Variants in PLD5 observed in about 807,000 individuals in gnomAD.
The protein encoded by PLD5 is phospholipase D family member 5, also known as inactive phospholipase D5.
In PLD5, 36 loss-of-function variants were observed where a neutral mutation model predicts 61.1. That is an observed-to-expected ratio of 0.59 (90% confidence interval 0.45 to 0.78). The LOEUF is 0.78. PLD5 is among the 30% of genes least tolerant of loss of function. The pLI is 0.00. For missense variants in PLD5, 515 were observed against 644.4 expected, an observed-to-expected ratio of 0.80 and a Z score of 2.17; for synonymous variants, 243 against 242.8, an observed-to-expected ratio of 1.00 and a Z score of -0.01.
At chr1:242,147,001 T>G (rs1664589934) in intron 5 of PLD5, among the ~76,000 whole-genome samples, 1 of 152,138 alleles carries the variant, frequency 6.6e-6, no homozygotes, top group Non-Finnish European at 1.5e-5. Context: ...TTTAAGAAAA[T>G]TTTATTTTCC....
chr1:242,301,631 T>A (rs1000248232), intron 2 of PLD5, among the ~76,000 whole-genome samples: 7 of 152,198 alleles, frequency 4.6e-5, no homozygotes, highest in African/African-American at 1.7e-4. Context: ...AGCGTTTATC[T>A]GTCATTAGTT....
intron 1 of PLD5, among the ~76,000 whole-genome samples, chr1:242,421,765 A>T (rs1028263627): frequency 3.3e-5 from 5 of 152,230 alleles, no homozygotes; most frequent in African/African-American, 1.2e-4. Context: ...GATTATATGT[A>T]CTTCTGTTGT....
At chr1:242,338,390 C>T (rs1218871193) in intron 2 of PLD5, among the ~76,000 whole-genome samples, 2 of 151,992 alleles carry the variant, frequency 1.3e-5, no homozygotes, top group South Asian at 4.2e-4. Context: ...GAAAACACAG[C>T]TATACTTTCT....
chr1:242,358,989 G>T (rs1312819261), intron 1 of PLD5, among the ~76,000 whole-genome samples: 2 of 152,158 alleles, frequency 1.3e-5, no homozygotes, highest in Non-Finnish European at 2.9e-5. Flanking sequence ...TAGACATGGA[G>T]GCTGGCTATC....
intron 1 of PLD5, among the ~76,000 whole-genome samples, chr1:242,492,926 A>G (rs1464590616): frequency 6.6e-6 from 1 of 152,126 alleles, no homozygotes; most frequent in Non-Finnish European, 1.5e-5. Flanking sequence ...CAAAGGCTCT[A>G]CTTCCTAAAA....
chr1:242,477,016 G>A (rs181465405), intron 1 of PLD5, among the ~76,000 whole-genome samples: 1 of 152,192 alleles, frequency 6.6e-6, no homozygotes, highest in African/African-American at 2.4e-5. Context: ...TTGGGAGGCC[G>A]AGGTGGGTGG....
chr1:242,221,052 A>G (rs964267129), intron 4 of PLD5, among the ~76,000 whole-genome samples: 9 of 152,220 alleles, frequency 5.9e-5, no homozygotes, highest in Non-Finnish European at 1.2e-4. Context: ...TGATTATTCA[A>G]GCTTTACTGA....
intron 2 of PLD5, among the ~76,000 whole-genome samples, chr1:242,334,954 C>T (rs891521423): frequency 2.0e-5 from 3 of 152,118 alleles, no homozygotes; most frequent in East Asian, 1.9e-4. Flanking sequence ...GTTATTTCTC[C>T]GCAAATTTGC....
At chr1:242,128,108 C>T (rs1662939273) in intron 5 of PLD5, among the ~76,000 whole-genome samples, 1 of 152,080 alleles carries the variant, frequency 6.6e-6, no homozygotes, top group African/African-American at 2.4e-5. Flanking sequence ...TGTTCAAAAA[C>T]AGTCTGGGCA....
At chr1:242,321,613 TC>T (rs1225018066) in intron 2 of PLD5, among the ~76,000 whole-genome samples, 2 of 152,086 alleles carry the variant, frequency 1.3e-5, no homozygotes, top group Admixed American at 6.5e-5. Context: ...CCCCATCTAT[TC>T]TTTTTGATAG....
At chr1:242,160,686 AC>A (rs1218010511) in intron 5 of PLD5, among the ~76,000 whole-genome samples, 2 of 152,032 alleles carry the variant, frequency 1.3e-5, no homozygotes, top group Non-Finnish European at 2.9e-5. Context: ...GGAGTTTGAG[AC>A]CAGCCTGGCC....
At chr1:242,188,032 G>A (rs1668015740) in intron 5 of PLD5, among the ~76,000 whole-genome samples, 1 of 151,926 alleles carries the variant, frequency 6.6e-6, no homozygotes, top group Non-Finnish European at 1.5e-5. Context: ...TGATTAACAA[G>A]GAGGGACTAG....
intron 1 of PLD5, chr1:242,449,507 T>C: frequency 1.3e-6 from 2 of 1,507,930 alleles, no homozygotes; most frequent in African/African-American, 1.4e-5. Context: ...AGTCCCTCAA[T>C]TGCTGGCCTC....
intron 1 of PLD5, among the ~76,000 whole-genome samples, chr1:242,499,640 A>C (rs779892182): frequency 6.6e-6 from 1 of 152,162 alleles, no homozygotes; most frequent in Non-Finnish European, 1.5e-5. Context: ...AAGATGGGCT[A>C]CACAGGGGAT....
Position 242,103,680 on chromosome 1 carries a change from C to T in PLD5, c.1240-2898G>A, listed in dbSNP as rs1197491980. On this transcript the variant is annotated intron_variant, in intron 8 of 9. Transcript: ENST00000536534. ...GATACTGGGCACCTGACTCCAAACC[C>T]AGGTTGGTGCCCTGATCCAACTCCT... 3.9e-5 allele frequency among the ~76,000 whole-genome samples: 6 copies of T among 152,314 alleles called. No individual in the cohort carries two copies. The East Asian group carries it at 1.2e-3, about 29-fold the overall frequency.
intron 2 of PLD5, among the ~76,000 whole-genome samples, chr1:242,320,472 G>A (rs1447667226): frequency 6.6e-6 from 1 of 152,170 alleles, no homozygotes; most frequent in Non-Finnish European, 1.5e-5. Context: ...AGAGCCCTGC[G>A]GGGCTGCATC....
At chr1:242,502,340 C>A (rs1404646778) in intron 1 of PLD5, among the ~76,000 whole-genome samples, 2 of 152,164 alleles carry the variant, frequency 1.3e-5, no homozygotes, top group African/African-American at 4.8e-5. Flanking sequence ...TTGATCACTT[C>A]CCATATCTAA....
chr1:242,433,186 A>G (rs57891769), intron 1 of PLD5, among the ~76,000 whole-genome samples: 3,230 of 152,342 alleles, frequency 0.021, 129 homozygotes, highest in African/African-American at 0.072. Context: ...CTTATGTTCA[A>G]CAAGGCTCAA....
chr1:242,518,663 A>G (rs947645094), intron 1 of PLD5, among the ~76,000 whole-genome samples: 6 of 152,230 alleles, frequency 3.9e-5, no homozygotes, highest in Admixed American at 3.9e-4. Context: ...CTAGCCAGAA[A>G]TTGGCATGTA....
Sources: allele counts gnomAD v4.1 joint callset (sites outside exome capture counted in the v4.1 genomes callset), GRCh38; gene constraint gnomAD v4.1.1; transcripts MANE v1.5; gene names NCBI Gene and HGNC (gene_info 2026-07-23, HGNC 2026-07-21).